Variants in KCNMB2 observed in about 807,000 individuals in gnomAD.
The protein encoded by KCNMB2 is potassium calcium-activated channel subfamily M regulatory beta subunit 2, also known as calcium-activated potassium channel subunit beta-2.
A neutral mutation model predicts 24.5 loss-of-function variants in KCNMB2; 9 were observed. That is an observed-to-expected ratio of 0.37 (90% CI 0.22 to 0.64). The LOEUF is 0.64. KCNMB2 is among the 30% of genes least tolerant of loss of function. KCNMB2 has a pLI of 0.63. For synonymous variants in KCNMB2, 109 were observed against 104.4 expected (o/e 1.04, Z -0.27); for missense variants, 226 against 284.3 (o/e 0.79, Z 1.47).
intron 1 of KCNMB2, among the ~76,000 whole-genome samples, chr3:178,687,876 C>T (rs1270773252): frequency 6.6e-6 from 1 of 151,948 alleles, no homozygotes. Context: ...GGCTTTCTTC[C>T]AAAAGGTGAA....
intron 2 of KCNMB2, among the ~76,000 whole-genome samples, chr3:178,810,198 C>T (rs929491050): frequency 6.6e-6 from 1 of 152,104 alleles, no homozygotes; most frequent in Non-Finnish European, 1.5e-5. Context: ...TAATTAAGGT[C>T]CTCCAGTTAA....
intron 1 of KCNMB2, among the ~76,000 whole-genome samples, chr3:178,788,756 C>T (rs1713205508): frequency 6.6e-6 from 1 of 152,132 alleles, no homozygotes; most frequent in Non-Finnish European, 1.5e-5. Flanking sequence ...AGAAGTGATG[C>T]AATGCAAAAC....
chr3:178,723,218 C>T (rs911614783), intron 1 of KCNMB2, among the ~76,000 whole-genome samples: 29 of 152,138 alleles, frequency 1.9e-4, no homozygotes, highest in African/African-American at 4.6e-4. Context: ...TTTGCCTTTC[C>T]GTATAAAATA....
At chr3:178,693,050 T>C (rs4393883) in intron 1 of KCNMB2, among the ~76,000 whole-genome samples, 2 of 152,216 alleles carry the variant, frequency 1.3e-5, no homozygotes, top group Non-Finnish European at 2.9e-5. Context: ...GCTCTTGACT[T>C]GACTGTTGCT....
chr3:178,828,745 T>C (rs1273364412), intron 4 of KCNMB2, among the ~76,000 whole-genome samples: 1 of 152,176 alleles, frequency 6.6e-6, no homozygotes, highest in Non-Finnish European at 1.5e-5. Context: ...AAAGGTGTAT[T>C]CTGTTTGTCC....
intron 1 of KCNMB2, among the ~76,000 whole-genome samples, chr3:178,688,542 G>A (rs1290636198): frequency 1.3e-5 from 2 of 152,104 alleles, no homozygotes; most frequent in African/African-American, 2.4e-5. Flanking sequence ...CCATAACAAT[G>A]CTTTTTCACT....
chr3:178,626,245 T>C (rs2108532601), intron 1 of KCNMB2, among the ~76,000 whole-genome samples: 1 of 152,362 alleles, frequency 6.6e-6, no homozygotes, highest in Non-Finnish European at 1.5e-5. Flanking sequence ...TGTCATTAAC[T>C]GTCAGACCCA....
At chr3:178,557,144 A>ACCCTTATTAT (rs1310466156) in intron 1 of KCNMB2, among the ~76,000 whole-genome samples, 1 of 152,142 alleles carries the variant, frequency 6.6e-6, no homozygotes, top group Non-Finnish European at 1.5e-5. Context: ...CTCACTTAGG[A>ACCCTTATTAT]CCCTTATTAT....
intron 1 of KCNMB2, among the ~76,000 whole-genome samples, chr3:178,623,002 A>G (rs994862426): frequency 6.6e-6 from 1 of 152,252 alleles, no homozygotes; most frequent in Non-Finnish European, 1.5e-5. Context: ...TCAACATTAG[A>G]CACGTCAAGT....
intron 1 of KCNMB2, among the ~76,000 whole-genome samples, chr3:178,562,848 A>C (rs1450447757): frequency 1.3e-5 from 2 of 152,348 alleles, no homozygotes; most frequent in Middle Eastern, 3.4e-3. Flanking sequence ...GTTGAGTGAA[A>C]GCGGGACAAA....
At position 178,684,704 on chromosome 3, in the gene KCNMB2, G is replaced by C. The variant is rs1293748780; in HGVS notation, c.-67-122639G>C. ...AAGTTAGCTGGGTGTGGTGGTGCATGCCTGTAATCCCAACTACTCGGGAGG... is the reference window on the plus strand; with the variant it reads ...AAGTTAGCTGGGTGTGGTGGTGCATCCCTGTAATCCCAACTACTCGGGAGG... On this transcript the variant is annotated intron_variant, in intron 1 of 4. Coordinates refer to ENST00000452583, the MANE Select transcript of KCNMB2 (RefSeq NM_181361.3). Among the ~76,000 whole-genome samples, 3 of 152,176 alleles carry C rather than the reference G, an allele frequency of 2.0e-5. No individual in the cohort carries two copies. In the South Asian group the frequency reaches 6.2e-4, roughly 32 times the overall value.
intron 1 of KCNMB2, among the ~76,000 whole-genome samples, chr3:178,571,447 G>GAGATATATAT (rs1491315279): frequency 1.3e-4 from 12 of 91,112 alleles, no homozygotes; most frequent in African/African-American, 3.3e-4. Flanking sequence ...TTTCCTTATG[G>GAGATATATAT]ATATATATAT....
At chr3:178,707,095 GA>G (rs1462399688) in intron 1 of KCNMB2, among the ~76,000 whole-genome samples, 1 of 152,156 alleles carries the variant, frequency 6.6e-6, no homozygotes, top group Non-Finnish European at 1.5e-5. Context: ...GACAGAAGGA[GA>G]AAGGCCTAAG....
At chr3:178,759,959 G>GAT (rs1236808963) in intron 1 of KCNMB2, among the ~76,000 whole-genome samples, 9 of 7,580 alleles carry the variant, frequency 1.2e-3, no homozygotes, top group East Asian at 6.1e-3. Context: ...TATCCAAGAG[G>GAT]ATATATATAT....
chr3:178,722,702 G>T (rs1577126283), intron 1 of KCNMB2, among the ~76,000 whole-genome samples: 3 of 152,132 alleles, frequency 2.0e-5, no homozygotes, highest in African/African-American at 4.8e-5. Context: ...AGACCAGCCT[G>T]GGCAACATGG....
chr3:178,618,302 G>A (rs542764422), intron 1 of KCNMB2, among the ~76,000 whole-genome samples: 4 of 151,966 alleles, frequency 2.6e-5, no homozygotes, highest in Non-Finnish European at 4.4e-5. Flanking sequence ...CCTAAATATT[G>A]GCATTATTTA....
At chr3:178,750,523 A>G (rs576371065) in intron 1 of KCNMB2, among the ~76,000 whole-genome samples, 8 of 152,318 alleles carry the variant, frequency 5.3e-5, no homozygotes, top group African/African-American at 1.9e-4. Flanking sequence ...CTGATTCCAG[A>G]GCCTGGTACA....
At chr3:178,696,810 A>G (rs890739239) in intron 1 of KCNMB2, among the ~76,000 whole-genome samples, 23 of 152,276 alleles carry the variant, frequency 1.5e-4, no homozygotes, top group African/African-American at 4.1e-4. Flanking sequence ...CTTTGTTCTC[A>G]AAAGTAAATA....
At chr3:178,639,910 A>G (rs1251062108) in intron 1 of KCNMB2, among the ~76,000 whole-genome samples, 2 of 152,168 alleles carry the variant, frequency 1.3e-5, no homozygotes, top group African/African-American at 4.8e-5. Context: ...TTCTGTATGG[A>G]GTGAGGGATG....
Sources: allele counts gnomAD v4.1 joint callset (sites outside exome capture counted in the v4.1 genomes callset), GRCh38; gene constraint gnomAD v4.1.1; transcripts MANE v1.5; gene names NCBI Gene and HGNC (gene_info 2026-07-23, HGNC 2026-07-21).